TRIM23: variants seen among roughly 807,000 people sequenced by gnomAD.
The protein encoded by TRIM23 is E3 ubiquitin-protein ligase TRIM23.
In TRIM23, 27 loss-of-function variants were observed where a neutral mutation model predicts 71.0. The ratio of observed to expected loss-of-function variants is 0.38; its 90% CI spans 0.28 to 0.52. TRIM23 has a LOEUF of 0.52. TRIM23 is among the 20% of genes least tolerant of loss of function. The probability of loss-of-function intolerance (pLI) is 0.84; values close to 1 mark genes in which losing one functional copy is unlikely to be tolerated. For synonymous variants in TRIM23, 234 were observed against 238.0 expected (o/e 0.98, Z 0.16); for missense variants, 482 against 692.3 (o/e 0.70, Z 3.41).
intron 1 of TRIM23, among the ~76,000 whole-genome samples, chr5:65,622,677 C>G (rs760850936): frequency 2.0e-5 from 3 of 152,142 alleles, no homozygotes; most frequent in Non-Finnish European, 4.4e-5. Context: ...ATACCTACTA[C>G]AAATTATGGC....
chr5:65,604,134 T>C (rs1329761001), intron 7 of TRIM23, among the ~76,000 whole-genome samples: 6 of 152,274 alleles, frequency 3.9e-5, no homozygotes, highest in South Asian at 4.1e-4. Flanking sequence ...TTTGCTCTTG[T>C]TACCCAGGCT....
intron 2 of TRIM23, among the ~76,000 whole-genome samples, chr5:65,615,746 A>C (rs1754761496): frequency 6.6e-6 from 1 of 152,260 alleles, no homozygotes; most frequent in African/African-American, 2.4e-5. Flanking sequence ...TCACTATATA[A>C]TGAATATATA....
intron 7 of TRIM23, among the ~76,000 whole-genome samples, chr5:65,598,029 T>C (rs1475195738): frequency 6.6e-6 from 1 of 152,224 alleles, no homozygotes; most frequent in African/African-American, 2.4e-5. Flanking sequence ...GATTTTATGA[T>C]ACAAACTTTT....
intron 7 of TRIM23, among the ~76,000 whole-genome samples, chr5:65,598,505 G>A (rs904206454): frequency 2.6e-5 from 4 of 152,178 alleles, no homozygotes; most frequent in Non-Finnish European, 4.4e-5. Context: ...CCAGCACTTC[G>A]GGAGGCCGAG....
rs533978863 is a variant in TRIM23, at chr5:65,602,247, A to T, written c.1179+2664T>A. 1.1e-4 allele frequency among the ~76,000 whole-genome samples: 17 copies of T among 152,244 alleles called. 1 individual carries two copies. The South Asian group carries it at 3.3e-3, about 30-fold the overall frequency. ...GCTTTGCTGCTTAGCAATTTCTTCC[A>T]CCAGATACCCTAAATCACCTCTCTC... On this transcript the variant is annotated intron_variant, in intron 7 of 10. Transcript: ENST00000231524.
Position 65,591,483 on chromosome 5 carries a change from G to T in TRIM23, c.*286C>A. On this transcript the variant is annotated 3_prime_UTR_variant, in exon 11 of 11. Transcript: ENST00000231524. Reference sequence around the variant, plus strand: ...TGACTACCTCTTTCCCAGTATATTGGTCACATATTATCTGAAAAACTTAAA... The same window carrying T: ...TGACTACCTCTTTCCCAGTATATTGTTCACATATTATCTGAAAAACTTAAA... The T allele has an allele frequency of 1.3e-6, 2 of 1,587,348 alleles. No individual in the cohort carries two copies. Among genetic ancestry groups the T allele is most frequent in the Non-Finnish European group, 1.7e-6 (2 of 1,168,554 alleles).
intron 9 of TRIM23, among the ~76,000 whole-genome samples, chr5:65,595,489 C>T (rs994983718): frequency 2.1e-5 from 3 of 145,962 alleles, no homozygotes; most frequent in African/African-American, 5.1e-5. Flanking sequence ...ACCTGGGAGG[C>T]GGAGCTTGCA....
chr5:65,592,047 GAAGCCTAAACAAAAAACCTAGAT>G, intron 10 of TRIM23, 99 bp from the exon 11 acceptor site: 2 of 1,178,198 alleles, frequency 1.7e-6, no homozygotes, highest in African/African-American at 3.1e-5. Flanking sequence ...TGTTCTAACA[GAAGCCTAAACAAAAAACCTAGAT>G]TCATCTTTCA....
At chr5:65,615,342 A>C (rs1754751750) in intron 2 of TRIM23, among the ~76,000 whole-genome samples, 1 of 152,230 alleles carries the variant, frequency 6.6e-6, no homozygotes, top group African/African-American at 2.4e-5. Context: ...GACAACATAC[A>C]CACTCTTCCT....
intron 4 of TRIM23, 109 bp from the exon 5 acceptor site, chr5:65,611,152 T>C: frequency 2.1e-6 from 2 of 965,330 alleles, no homozygotes; most frequent in South Asian, 3.9e-5. Context: ...CAAGTGACTT[T>C]TATGACACAG....
intron 7 of TRIM23, among the ~76,000 whole-genome samples, chr5:65,598,404 G>C (rs1222016984): frequency 6.6e-6 from 1 of 152,146 alleles, no homozygotes; most frequent in Non-Finnish European, 1.5e-5. Context: ...ACATAGTGAG[G>C]ATGAGGTGCA....
intron 6 of TRIM23, 100 bp downstream of exon 6, chr5:65,609,143 C>T: frequency 1.7e-6 from 2 of 1,192,892 alleles, no homozygotes; most frequent in South Asian, 1.4e-5. Flanking sequence ...TTACTGCATA[C>T]AGCAGACACA....
chr5:65,614,232 TA>T lies in TRIM23; in HGVS notation c.245-14del. 1 of 1,609,730 alleles carries T rather than the reference TA, an allele frequency of 6.2e-7. No individual in the cohort carries two copies. The highest frequency in any genetic ancestry group is 8.5e-7 in the Non-Finnish European group (1 of 1,176,760). ...ACACCTGAATCACCTAGAATAAATA[TA>T]AAAACAAAAACTAAATCTAACAAAA... On this transcript the variant is annotated splice_polypyrimidine_tract_variant and intron_variant, in intron 2 of 10. Coordinates refer to ENST00000231524, the MANE Select transcript of TRIM23 (RefSeq NM_001656.4).
At chr5:65,602,245 C>T (rs1754381983) in intron 7 of TRIM23, among the ~76,000 whole-genome samples, 1 of 152,152 alleles carries the variant, frequency 6.6e-6, no homozygotes, top group South Asian at 2.1e-4. Flanking sequence ...GCAATTTCTT[C>T]CACCAGATAC....
intron 7 of TRIM23, among the ~76,000 whole-genome samples, chr5:65,599,084 G>T (rs259751): frequency 1.3e-5 from 2 of 151,808 alleles, no homozygotes; most frequent in East Asian, 1.9e-4. Context: ...TAGGCAAGAA[G>T]AATAATAAAA....
At chr5:65,614,601 G>A (rs936273709) in intron 2 of TRIM23, among the ~76,000 whole-genome samples, 22 of 152,086 alleles carry the variant, frequency 1.4e-4, no homozygotes, top group South Asian at 4.2e-4. Flanking sequence ...CAGGTGTGGC[G>A]TCAGGCGCCC....
chr5:65,607,037 A>G (rs1367152248), intron 6 of TRIM23: 2 of 152,234 alleles, frequency 1.3e-5, no homozygotes, highest in African/African-American at 4.8e-5. Flanking sequence ...AGCATCCAGT[A>G]TCATGCCAAG....
intron 1 of TRIM23, 34 bp downstream of exon 1, chr5:65,624,160 G>T: frequency 1.9e-6 from 3 of 1,613,264 alleles, no homozygotes; most frequent in African/African-American, 1.3e-5. Flanking sequence ...AAGGGAGGCC[G>T]ATGGTGGAGA....
chr5:65,614,146 A>C lies in TRIM23; in HGVS notation c.318T>G (p.Pro106=). The part of the protein sequence containing the change: ...LELLERLQNG[P]IGQYGAAEES... ...CTTCTGCAGCTCCATACTGACCAAT[A>C]GGCCCATTCTGCAGTCGTTCCAAAA... The change falls in exon 3 of 11, where the codon CCT becomes CCG. Residue 106 remains proline, a synonymous_variant. Transcript: ENST00000231524. 1.9e-6 allele frequency: 3 copies of C among 1,614,102 alleles called. No individual in the cohort carries two copies. Among genetic ancestry groups the C allele is most frequent in the Non-Finnish European group, 2.5e-6 (3 of 1,179,992 alleles).
Sources: gnomAD v4.1 joint callset for allele counts (sites outside exome capture counted in the v4.1 genomes callset) on GRCh38, gnomAD v4.1.1 for gene constraint, MANE v1.5 for transcripts, NCBI Gene and HGNC (gene_info 2026-07-23, HGNC 2026-07-21) for gene names.